SYT1: variants seen among roughly 807,000 people sequenced by gnomAD.
SYT1 encodes the protein synaptotagmin 1.
Under a neutral mutation model 44.8 loss-of-function variants are expected in SYT1, and 8 were observed. The observed-to-expected ratio is 0.18, with a 90% CI of 0.10 to 0.32. SYT1 has a LOEUF of 0.32. SYT1 is among the 10% of genes least tolerant of loss of function. SYT1 has a pLI of 1.00. For missense variants in SYT1, 286 were observed against 509.3 expected (o/e 0.56, Z 4.22); for synonymous variants, 154 against 188.8 (o/e 0.82, Z 1.51).
chr12:79,251,736 C>T (rs1422928216), intron 4 of SYT1, among the ~76,000 whole-genome samples: 2 of 152,154 alleles, frequency 1.3e-5, no homozygotes, highest in South Asian at 4.1e-4. Context: ...GTGAGTAGAA[C>T]TCAGGCTGTT....
intron 2 of SYT1, among the ~76,000 whole-genome samples, chr12:79,035,702 A>C (rs1313094387): frequency 6.6e-6 from 1 of 151,632 alleles, no homozygotes; most frequent in Non-Finnish European, 1.5e-5. Flanking sequence ...TGATTTGTAC[A>C]TAGAATCATA....
chr12:79,172,907 A>G (rs1342573669), intron 3 of SYT1, among the ~76,000 whole-genome samples: 2 of 133,416 alleles, frequency 1.5e-5, no homozygotes, highest in East Asian at 4.8e-4. Context: ...TCATAGTTCA[A>G]TTCCATAAGT....
Position 78,919,285 on chromosome 12 carries a change from G to T in SYT1, c.-217+54176G>T, listed in dbSNP as rs533742372. 3.3e-5 allele frequency among the ~76,000 whole-genome samples: 5 copies of T among 152,140 alleles called. No individual in the cohort carries two copies. The South Asian group carries it at 6.2e-4, about 19-fold the overall frequency. ...CCTTGAGCAAAATAATGATGGGTTA[G>T]AAGGCTATTAAAGAACTCCTAGAAT... On this transcript the variant is annotated intron_variant, in intron 1 of 10. Coordinates refer to ENST00000261205, the MANE Select transcript of SYT1 (RefSeq NM_005639.3).
chr12:78,958,498 C>T (rs1052052469), intron 1 of SYT1, among the ~76,000 whole-genome samples: 1 of 151,904 alleles, frequency 6.6e-6, no homozygotes, highest in Non-Finnish European at 1.5e-5. Context: ...AGTTGGAGAC[C>T]AGCCTGGCCA....
intron 8 of SYT1, among the ~76,000 whole-genome samples, chr12:79,324,427 C>T (rs950727646): frequency 4.6e-5 from 7 of 152,118 alleles, no homozygotes; most frequent in Admixed American, 2.0e-4. Context: ...CACATGACCC[C>T]GCCTTCATTC....
At position 79,031,701 on chromosome 12, in the gene SYT1, G is replaced by A. The variant is rs529325301; in HGVS notation, c.-83-15596G>A. On this transcript the variant is annotated intron_variant, in intron 2 of 10. Transcript: ENST00000261205. The stretch of plus-strand genomic sequence containing the variant: ...GGCATGCATAGTTAATGGGCAGGAG[G>A]TTAGTAAGGTTTGAGGTGTAGTAAT... 2.0e-5 allele frequency among the ~76,000 whole-genome samples: 3 copies of A among 151,200 alleles called. No individual in the cohort carries two copies. The East Asian group carries it at 5.8e-4, about 29-fold the overall frequency.
intron 2 of SYT1, among the ~76,000 whole-genome samples, chr12:78,993,357 G>C (rs1432517596): frequency 6.6e-6 from 1 of 152,176 alleles, no homozygotes; most frequent in Non-Finnish European, 1.5e-5. Flanking sequence ...TGAGTTTGGT[G>C]TTTTCCTTTC....
At chr12:79,043,930 T>G (rs897746597) in intron 2 of SYT1, among the ~76,000 whole-genome samples, 1 of 152,224 alleles carries the variant, frequency 6.6e-6, no homozygotes, top group Non-Finnish European at 1.5e-5. Context: ...AAAATTGTTT[T>G]CTTTAAGAAT....
chr12:79,171,924 A>G (rs542850574), intron 3 of SYT1, among the ~76,000 whole-genome samples: 40 of 152,128 alleles, frequency 2.6e-4, no homozygotes, highest in African/African-American at 9.6e-4. Context: ...CATATTATAA[A>G]TGTCCAATAA....
intron 3 of SYT1, among the ~76,000 whole-genome samples, chr12:79,134,297 A>G (rs950795333): frequency 2.0e-5 from 3 of 152,248 alleles, no homozygotes; most frequent in Admixed American, 6.5e-5. Context: ...TTGAATTACT[A>G]TAAAAGAAAA....
chr12:79,125,275 T>C (rs977337485), intron 3 of SYT1, among the ~76,000 whole-genome samples: 11 of 152,096 alleles, frequency 7.2e-5, no homozygotes, highest in Admixed American at 6.6e-4. Context: ...TTCTTGCTAC[T>C]TCAGAACTTT....
chr12:78,882,097 T>C (rs1020319845), intron 1 of SYT1, among the ~76,000 whole-genome samples: 1 of 151,760 alleles, frequency 6.6e-6, no homozygotes, highest in Non-Finnish European at 1.5e-5. Flanking sequence ...CCATGTATGC[T>C]CTATGGAAGC....
At chr12:79,301,621 T>A (rs1269973514) in intron 8 of SYT1, among the ~76,000 whole-genome samples, 1 of 152,184 alleles carries the variant, frequency 6.6e-6, no homozygotes, top group Non-Finnish European at 1.5e-5. Context: ...TCATACCTTT[T>A]TCTTGGTTAA....
intron 3 of SYT1, among the ~76,000 whole-genome samples, chr12:79,119,068 T>C (rs990295884): frequency 5.9e-5 from 9 of 152,260 alleles, no homozygotes; most frequent in Middle Eastern, 3.4e-3. Flanking sequence ...TTTCTTCTTC[T>C]CCATTACCCC....
At chr12:78,907,781 C>T (rs986647558) in intron 1 of SYT1, among the ~76,000 whole-genome samples, 22 of 151,930 alleles carry the variant, frequency 1.4e-4, no homozygotes, top group African/African-American at 3.9e-4. Flanking sequence ...TGTGAGTTTG[C>T]CTATGCTTTA....
intron 9 of SYT1, among the ~76,000 whole-genome samples, chr12:79,416,453 C>A (rs1868744485): frequency 6.6e-6 from 1 of 152,086 alleles, no homozygotes; most frequent in African/African-American, 2.4e-5. Context: ...ATGTATAGAT[C>A]CTCTTCTAAA....
At chr12:78,907,785 T>G (rs1404158931) in intron 1 of SYT1, among the ~76,000 whole-genome samples, 1 of 152,052 alleles carries the variant, frequency 6.6e-6, no homozygotes, top group Non-Finnish European at 1.5e-5. Flanking sequence ...AGTTTGCCTA[T>G]GCTTTACAAC....
rs537702370 is a variant in SYT1 at position 79,397,354 on chromosome 12, C to T, written c.928+43735C>T. Among the ~76,000 whole-genome samples the T allele has an allele frequency of 4.6e-5, 7 of 152,164 alleles. No homozygotes were observed. In the South Asian group the frequency reaches 1.2e-3, roughly 27 times the overall value. ...AAGCAGTCCTCCCACCTCAGCCTTC[C>T]GAATAGCTGGGATTACAGGCCTGTG... On this transcript the variant is annotated intron_variant, in intron 9 of 10. Coordinates refer to ENST00000261205, the MANE Select transcript of SYT1 (RefSeq NM_005639.3).
intron 8 of SYT1, among the ~76,000 whole-genome samples, chr12:79,313,543 A>G (rs975674553): frequency 5.9e-5 from 9 of 151,620 alleles, no homozygotes; most frequent in African/African-American, 2.2e-4. Context: ...ATTGCATTCT[A>G]TTAACCAATA....
Sources: gnomAD v4.1 joint callset for allele counts (sites outside exome capture counted in the v4.1 genomes callset) on GRCh38, gnomAD v4.1.1 for gene constraint, MANE v1.5 for transcripts, NCBI Gene and HGNC (gene_info 2026-07-23, HGNC 2026-07-21) for gene names.